The following LY75 variants were observed in gnomAD, a reference collection of about 807,000 sequenced individuals.
The protein encoded by LY75 is C-type lectin domain family 13 member B.
LY75 carries 185 observed loss-of-function variants against 231.7 expected under a neutral mutation model. That is an observed-to-expected ratio of 0.80 (90% CI 0.71 to 0.90). LY75 has a LOEUF of 0.90. LY75 is among the 40% of genes least tolerant of loss of function. The pLI, the probability that LY75 is intolerant of heterozygous loss-of-function variation, is 0.00. For missense variants in LY75, 1,947 were observed against 2,050.2 expected, an observed-to-expected ratio of 0.95 and a Z score of 0.97; for synonymous variants, 668 against 689.0, an observed-to-expected ratio of 0.97 and a Z score of 0.48.
intron 33 of LY75, chr2:159,807,716 C>CT: frequency 1.0e-6 from 1 of 958,824 alleles, no homozygotes; most frequent in Non-Finnish European, 1.2e-6. Context: ...TTGACAAGTA[C>CT]TTAACATTTT....
intron 33 of LY75, 50 bp from the exon 34 acceptor site, chr2:159,807,190 AG>A: frequency 1.3e-6 from 2 of 1,564,622 alleles, no homozygotes; most frequent in Non-Finnish European, 1.7e-6. Context: ...TAAACTAGTA[AG>A]TTACAAGCAT....
chr2:159,887,119 A>ATG (rs1351936987), intron 4 of LY75, among the ~76,000 whole-genome samples: 1 of 147,626 alleles, frequency 6.8e-6, no homozygotes, highest in East Asian at 2.0e-4. Flanking sequence ...ATATATATAT[A>ATG]TTATATATAA....
At chr2:159,897,710 G>A (rs764550978) in intron 2 of LY75, among the ~76,000 whole-genome samples, 8 of 152,192 alleles carry the variant, frequency 5.3e-5, no homozygotes, top group Non-Finnish European at 8.8e-5. Context: ...AGAAAGGCAA[G>A]GGGAAATAAT....
rs773634171 is a variant in LY75 at position 159,886,533 on chromosome 2, G to A, written c.803-3C>T. 10 of 1,585,222 alleles carry A rather than the reference G, an allele frequency of 6.3e-6. No individual in the cohort carries two copies. The highest frequency in any genetic ancestry group is 1.8e-5 in the Admixed American group (1 of 55,638). On this transcript the variant is annotated splice_region_variant and splice_polypyrimidine_tract_variant and intron_variant, in intron 4 of 34. Transcript: ENST00000263636. Reference sequence around the variant, plus strand: ...AATCTTAGCAATGCCTTCTTTTTCTGTAAGAATTAAAAAATTTTTAAAAAG... The same window carrying A: ...AATCTTAGCAATGCCTTCTTTTTCTATAAGAATTAAAAAATTTTTAAAAAG...
intron 25 of LY75, among the ~76,000 whole-genome samples, 182 bp from the exon 26 acceptor site, chr2:159,835,827 T>G (rs937926675): frequency 1.3e-5 from 2 of 152,236 alleles, no homozygotes; most frequent in African/African-American, 4.8e-5. Context: ...TACTTAATCC[T>G]TGTAACAACC....
At chr2:159,873,757 ATACATAAATATATACATTTT>A in intron 12 of LY75, among the ~76,000 whole-genome samples, 2 of 91,648 alleles carry the variant, frequency 2.2e-5, no homozygotes, top group African/African-American at 8.0e-5. Context: ...TTGTAAAAAT[ATACATAAATATATACATTTT>A]GTAAAAATAT....
rs1313447040 is a variant in LY75, at chr2:159,808,651, T to C, written c.4700-80A>G. ...TATTCTCAACTAGCCATTTGAAAAA[T>C]ACATATATTATTAACAAGATCATTG... On this transcript the variant is annotated intron_variant, in intron 32 of 34. Coordinates refer to ENST00000263636, the MANE Select transcript of LY75 (RefSeq NM_002349.4). 8 of 1,542,492 alleles carry C rather than the reference T, an allele frequency of 5.2e-6. No individual in the cohort carries two copies. The African/African-American group carries it at 6.9e-5, about 13-fold the overall frequency.
chr2:159,842,411 A>C (rs772848618), intron 23 of LY75, 37 bp from the exon 24 acceptor site: 1 of 1,586,380 alleles, frequency 6.3e-7, no homozygotes, highest in South Asian at 1.1e-5. Flanking sequence ...GCAATCATGT[A>C]ACAATGGTCT....
intron 2 of LY75, among the ~76,000 whole-genome samples, chr2:159,895,431 A>G (rs1007456946): frequency 6.6e-6 from 1 of 152,238 alleles, no homozygotes; most frequent in Non-Finnish European, 1.5e-5. Context: ...CAAACCTAAG[A>G]GGACAGTCCC....
intron 12 of LY75, among the ~76,000 whole-genome samples, chr2:159,874,650 T>TAGTAAATA (rs1491498095): frequency 1.2e-4 from 12 of 100,096 alleles, no homozygotes; most frequent in African/African-American, 4.2e-4. Flanking sequence ...AATATATATA[T>TAGTAAATA]TTTGTAAATA....
intron 23 of LY75, among the ~76,000 whole-genome samples, chr2:159,847,299 C>T (rs985179953): frequency 6.6e-6 from 1 of 152,148 alleles, no homozygotes. Context: ...CAGGCATGAG[C>T]CACCACGCCC....
intron 21 of LY75, among the ~76,000 whole-genome samples, chr2:159,850,800 T>TATATATATATATATA (rs1560081076): frequency 1.0e-4 from 6 of 59,424 alleles, no homozygotes; most frequent in Non-Finnish European, 1.4e-4. Flanking sequence ...ATATATATAT[T>TATATATATATATATA]ATATCTTATA....
intron 3 of LY75, 102 bp from the exon 4 acceptor site, chr2:159,890,479 A>G: frequency 6.6e-7 from 1 of 1,510,598 alleles, no homozygotes; most frequent in South Asian, 1.2e-5. Flanking sequence ...TACTCTTAGG[A>G]TATGCCCAAA....
chr2:159,876,996 C>T lies in LY75; in HGVS notation c.1774+1328G>A, dbSNP rs183697150. 8.9e-3 allele frequency among the ~76,000 whole-genome samples: 872 copies of T among 97,892 alleles called. 7 individuals are homozygous for T. Among genetic ancestry groups the T allele is most frequent in the African/African-American group, 0.034 (815 of 24,316 alleles). The allele number at this position is 97,892 out of a possible 152,430, so 64.2% of individuals were successfully genotyped here. A position where few individuals can be genotyped will look rare whatever the true frequency, so the allele number is the denominator to read the frequency against. On this transcript the variant is annotated intron_variant, in intron 11 of 34. Transcript: ENST00000263636. The stretch of plus-strand genomic sequence containing the variant: ...TGCACTCCAGCCTGGGCAAGAGGAG[C>T]GAAACTCCATCTCAAAAAAAAAAAA...
chr2:159,811,555 C>T (rs899069538), intron 31 of LY75, among the ~76,000 whole-genome samples: 4 of 152,216 alleles, frequency 2.6e-5, no homozygotes, highest in African/African-American at 9.7e-5. Flanking sequence ...TCAACCCAAA[C>T]TATTGTTTTG....
chr2:159,836,868 C>A (rs1484445384), intron 25 of LY75, among the ~76,000 whole-genome samples: 1 of 152,210 alleles, frequency 6.6e-6, no homozygotes, highest in Non-Finnish European at 1.5e-5. Flanking sequence ...CCCACCTAAC[C>A]CTGTCCCTGA....
At chr2:159,810,396 A>C in intron 32 of LY75, 130 bp downstream of exon 32, 57 of 1,188,276 alleles carry the variant, frequency 4.8e-5, no homozygotes, top group Non-Finnish European at 6.1e-5. Context: ...CAATTAGTTT[A>C]TAGCGCTATT....
At chr2:159,815,727 GA>G (rs1438193576) in intron 30 of LY75, 154 bp from the exon 31 acceptor site, 4 of 465,744 alleles carry the variant, frequency 8.6e-6, no homozygotes. Context: ...TTGTAGGTCT[GA>G]TTTACTTCTG....
intron 7 of LY75, among the ~76,000 whole-genome samples, chr2:159,881,628 A>T (rs1685438258): frequency 6.6e-6 from 1 of 152,180 alleles, no homozygotes; most frequent in Non-Finnish European, 1.5e-5. Context: ...GGCACTGAGT[A>T]GGTACCTACT....
Sources: allele counts gnomAD v4.1 joint callset (sites outside exome capture counted in the v4.1 genomes callset), GRCh38; gene constraint gnomAD v4.1.1; transcripts MANE v1.5; gene names NCBI Gene and HGNC (gene_info 2026-07-23, HGNC 2026-07-21).